Variants in FUT9 observed in about 807,000 individuals in gnomAD.
FUT9 encodes the protein fucosyltransferase 9.
A neutral mutation model predicts 29.7 loss-of-function variants in FUT9; 15 were observed. The observed-to-expected ratio is 0.51, with a 90% CI of 0.34 to 0.78. FUT9 has a LOEUF of 0.78. Among genes scored for constraint, FUT9 ranks in the 30% least tolerant of loss-of-function variants. The pLI is 0.01. For synonymous variants in FUT9, 169 were observed against 153.7 expected, an observed-to-expected ratio of 1.10 and a Z score of -0.74; for missense variants, 319 against 425.4, an observed-to-expected ratio of 0.75 and a Z score of 2.20.
At chr6:96,142,010 T>TG (rs2127973500) in intron 2 of FUT9, among the ~76,000 whole-genome samples, 1 of 152,356 alleles carries the variant, frequency 6.6e-6, no homozygotes, top group South Asian at 2.1e-4. Context: ...ATGTGTATAT[T>TG]GGTGAAAATA....
At chr6:96,147,930 A>G (rs780742004) in intron 2 of FUT9, among the ~76,000 whole-genome samples, 1 of 151,766 alleles carries the variant, frequency 6.6e-6, no homozygotes, top group Non-Finnish European at 1.5e-5. Context: ...TTTCTGCATC[A>G]GAGATAAAGG....
Position 96,055,515 on chromosome 6 carries a change from A to C in FUT9, c.-98+39303A>C, listed in dbSNP as rs76177229. ...GGTAATTTATTTAGATTTTAAAAAA[A>C]TCTTCTCTTTTTTTCCTTTTTTTTT... On this transcript the variant is annotated intron_variant, in intron 1 of 2. Coordinates refer to ENST00000302103, the MANE Select transcript of FUT9 (RefSeq NM_006581.4). Among the ~76,000 whole-genome samples the C allele has an allele frequency of 1.2e-3, 178 of 151,908 alleles. 2 individuals carry two copies. In the East Asian group the frequency reaches 0.029, roughly 25 times the overall value.
intron 1 of FUT9, among the ~76,000 whole-genome samples, chr6:96,111,592 A>T (rs905668486): frequency 3.3e-5 from 5 of 149,516 alleles, no homozygotes; most frequent in African/African-American, 1.2e-4. Context: ...CACAAATCTG[A>T]GTTACCAAAT....
At chr6:96,148,693 G>C (rs1458526267) in intron 2 of FUT9, among the ~76,000 whole-genome samples, 1 of 152,146 alleles carries the variant, frequency 6.6e-6, no homozygotes, top group Non-Finnish European at 1.5e-5. Context: ...GGGTTGAAAA[G>C]ACAGTAAAAT....
At chr6:96,183,387 A>G (rs1397941536) in intron 2 of FUT9, among the ~76,000 whole-genome samples, 3 of 152,018 alleles carry the variant, frequency 2.0e-5, no homozygotes, top group Non-Finnish European at 4.4e-5. Flanking sequence ...TCATATAATC[A>G]GCAAACAGTG....
chr6:96,133,941 TA>T (rs1195148760), intron 2 of FUT9, among the ~76,000 whole-genome samples: 1 of 151,960 alleles, frequency 6.6e-6, no homozygotes, highest in East Asian at 1.9e-4. Flanking sequence ...TGTTAATAGT[TA>T]AGGTAAGTAG....
At chr6:96,029,749 T>A (rs1770229054) in intron 1 of FUT9, among the ~76,000 whole-genome samples, 1 of 150,982 alleles carries the variant, frequency 6.6e-6, no homozygotes, top group Admixed American at 6.6e-5. Context: ...GATCCAGGAG[T>A]TGAAATTATC....
Position 96,087,483 on chromosome 6 carries a change from C to T in FUT9, c.-97-26556C>T, listed in dbSNP as rs1225606241. 5.3e-5 allele frequency among the ~76,000 whole-genome samples: 8 copies of T among 150,952 alleles called. No homozygotes were observed. In the Admixed American group the frequency reaches 5.3e-4, roughly 10 times the overall value. ...CTGGGTTCAAGCAATTATCCTGCCT[C>T]AGCCTCCTGAGTAGCTAGGACTACA... On this transcript the variant is annotated intron_variant, in intron 1 of 2. Transcript: ENST00000302103.
intron 1 of FUT9, among the ~76,000 whole-genome samples, chr6:96,085,139 A>G (rs1771294982): frequency 6.6e-6 from 1 of 152,196 alleles, no homozygotes; most frequent in Non-Finnish European, 1.5e-5. Flanking sequence ...AGCAAACATT[A>G]GAGATTCCAA....
chr6:96,132,057 T>C (rs550102914), intron 2 of FUT9, among the ~76,000 whole-genome samples: 44 of 152,250 alleles, frequency 2.9e-4, no homozygotes, highest in Non-Finnish European at 6.0e-4. Flanking sequence ...CATTTATCAA[T>C]TGCATTTCTT....
chr6:96,154,837 C>T (rs1772745744), intron 2 of FUT9, among the ~76,000 whole-genome samples: 3 of 152,148 alleles, frequency 2.0e-5, no homozygotes, highest in East Asian at 1.9e-4. Context: ...ACTTCTGAAC[C>T]AATCAATGTA....
intron 1 of FUT9, among the ~76,000 whole-genome samples, chr6:96,023,037 G>A (rs1047984454): frequency 3.3e-5 from 5 of 151,788 alleles, no homozygotes; most frequent in Non-Finnish European, 4.4e-5. Flanking sequence ...ATAGAGAGAA[G>A]GCCACAGCCT....
intron 2 of FUT9, among the ~76,000 whole-genome samples, chr6:96,127,950 T>C (rs1439846518): frequency 2.0e-5 from 3 of 152,098 alleles, no homozygotes; most frequent in Non-Finnish European, 4.4e-5. Context: ...AAATACTTTT[T>C]AAATATTTTT....
chr6:96,150,605 A>C (rs1374467765), intron 2 of FUT9, among the ~76,000 whole-genome samples: 1 of 152,110 alleles, frequency 6.6e-6, no homozygotes, highest in African/African-American at 2.4e-5. Flanking sequence ...TGTAGGATGG[A>C]TTGAAGGAGG....
chr6:96,027,765 A>AGGGCTGGCTG (rs1175326690), intron 1 of FUT9, among the ~76,000 whole-genome samples: 2 of 151,498 alleles, frequency 1.3e-5, no homozygotes, highest in Non-Finnish European at 3.0e-5. Flanking sequence ...TGGTTATTCA[A>AGGGCTGGCTG]GGGCTGGCTG....
intron 2 of FUT9, among the ~76,000 whole-genome samples, chr6:96,201,301 C>T (rs1346734540): frequency 1.3e-5 from 2 of 151,792 alleles, no homozygotes; most frequent in African/African-American, 2.4e-5. Context: ...CATAAAATTA[C>T]TCAAAATAGT....
In FUT9 at chr6:96,213,545, T is replaced by A. The variant is rs1216543346; in HGVS notation, c.*9310T>A. ...AAATACCCTGAAACATAATGCCAAA[T>A]GTACAGTTTATAGGTTCGTGTTATT... On this transcript the variant is annotated 3_prime_UTR_variant, in exon 3 of 3. Coordinates refer to ENST00000302103, the MANE Select transcript of FUT9 (RefSeq NM_006581.4). 1 of 166,896 alleles carries A rather than the reference T, an allele frequency of 6.0e-6. No homozygotes were observed. The highest frequency in any genetic ancestry group is 6.6e-5 in the Admixed American group (1 of 15,242). 10.3% of individuals were successfully genotyped at this position (166,896 alleles called of 1,614,324 possible).
intron 2 of FUT9, among the ~76,000 whole-genome samples, chr6:96,182,844 C>T (rs1356963850): frequency 1.3e-5 from 2 of 152,096 alleles, no homozygotes; most frequent in East Asian, 3.9e-4. Flanking sequence ...TGACTATTGC[C>T]TTATAGTATA....
chr6:96,072,214 C>T (rs1223030463), intron 1 of FUT9, among the ~76,000 whole-genome samples: 1 of 152,158 alleles, frequency 6.6e-6, no homozygotes, highest in Non-Finnish European at 1.5e-5. Context: ...AAGATTCAAA[C>T]CCAATTGACT....
Sources: allele counts gnomAD v4.1 joint callset (sites outside exome capture counted in the v4.1 genomes callset), GRCh38; gene constraint gnomAD v4.1.1; transcripts MANE v1.5; gene names NCBI Gene and HGNC (gene_info 2026-07-23, HGNC 2026-07-21).